The following RALB variants were observed in gnomAD, a reference collection of about 807,000 sequenced individuals.
The protein encoded by RALB is RAS like proto-oncogene B.
RALB carries 16 observed loss-of-function variants against 21.3 expected under a neutral mutation model. That is an observed-to-expected ratio of 0.75 (90% CI 0.51 to 1.14). The LOEUF (loss-of-function observed/expected upper bound fraction) is 1.14, where lower values mean the gene tolerates loss of function less well. Among genes scored for constraint, RALB ranks in the 50% most tolerant of loss-of-function variants. RALB has a pLI of 0.00. For missense variants in RALB, 161 were observed against 256.2 expected, an observed-to-expected ratio of 0.63 and a Z score of 2.54; for synonymous variants, 93 against 96.1, an observed-to-expected ratio of 0.97 and a Z score of 0.19.
intron 2 of RALB, among the ~76,000 whole-genome samples, chr2:120,281,194 T>C (rs1332414153): frequency 6.6e-6 from 1 of 152,190 alleles, no homozygotes; most frequent in Admixed American, 6.5e-5. Flanking sequence ...TGGTAGAATT[T>C]AGTTCCTTGT....
intron 2 of RALB, among the ~76,000 whole-genome samples, chr2:120,285,559 T>TA (rs1014863265): frequency 5.6e-4 from 55 of 98,048 alleles, no homozygotes; most frequent in Non-Finnish European, 8.8e-4. Flanking sequence ...CCCTAAAACT[T>TA]AAAGTATAAT....
chr2:120,266,306 G>A (rs1270621294), intron 1 of RALB, among the ~76,000 whole-genome samples: 4 of 152,254 alleles, frequency 2.6e-5, no homozygotes, highest in African/African-American at 4.8e-5. Context: ...GTGCAGTGGC[G>A]CGATCTCGGC....
intron 1 of RALB, among the ~76,000 whole-genome samples, chr2:120,269,472 A>G (rs930491618): frequency 2.0e-5 from 3 of 148,882 alleles, no homozygotes; most frequent in Non-Finnish European, 4.4e-5. Context: ...GGCCACACCC[A>G]TGTCCTGCTG....
At chr2:120,289,478 T>G (rs1690254495) in intron 3 of RALB, 102 bp from the exon 4 acceptor site, 2 of 1,238,736 alleles carry the variant, frequency 1.6e-6, no homozygotes, top group Admixed American at 2.2e-5. Context: ...ATTTTTTTTT[T>G]TCCTTCTGCC....
At chr2:120,284,054 C>T (rs1383471670) in intron 2 of RALB, among the ~76,000 whole-genome samples, 2 of 152,146 alleles carry the variant, frequency 1.3e-5, no homozygotes, top group Non-Finnish European at 2.9e-5. Flanking sequence ...TGGTAGAATT[C>T]AGAGATTTTC....
At chr2:120,291,332 C>A (rs1690298957) in intron 4 of RALB, among the ~76,000 whole-genome samples, 1 of 152,128 alleles carries the variant, frequency 6.6e-6, no homozygotes, top group South Asian at 2.1e-4. Flanking sequence ...TGTCATCTCT[C>A]AACTCTTACA....
chr2:120,275,373 C>T (rs565363296), intron 1 of RALB, among the ~76,000 whole-genome samples: 1 of 152,346 alleles, frequency 6.6e-6, no homozygotes, highest in Middle Eastern at 3.4e-3. Context: ...TGCTCTGATT[C>T]TCTCCTGTTT....
intron 1 of RALB, among the ~76,000 whole-genome samples, chr2:120,277,796 AGTGT>A (rs1051512428): frequency 2.7e-5 from 4 of 149,954 alleles, no homozygotes; most frequent in Admixed American, 1.3e-4. Flanking sequence ...AGCCTGTGAT[AGTGT>A]GTGAGAGCGT....
upstream of RALB, among the ~76,000 whole-genome samples, chr2:120,252,336 T>C (rs371348663): frequency 1.1e-4 from 16 of 152,342 alleles, no homozygotes; most frequent in East Asian, 2.5e-3. Flanking sequence ...TAATGGGATG[T>C]CATCAGCGAA....
At chr2:120,263,419 A>T (rs1468943380) in intron 1 of RALB, among the ~76,000 whole-genome samples, 1 of 152,182 alleles carries the variant, frequency 6.6e-6, no homozygotes, top group Non-Finnish European at 1.5e-5. Context: ...TGGCCTCCCA[A>T]AATGTTGGGA....
At position 120,263,460 on chromosome 2, in the gene RALB, G is replaced by T. The variant is rs576377483; in HGVS notation, c.-48+10480G>T. 3.3e-5 allele frequency among the ~76,000 whole-genome samples: 5 copies of T among 152,376 alleles called. No homozygotes were observed. In the South Asian group the frequency reaches 1.0e-3, roughly 32 times the overall value. On this transcript the variant is annotated intron_variant, in intron 1 of 4. Transcript: ENST00000272519. ...GGCATAAGCCACTGTGCCCAGGCTA[G>T]AATGATATTTAAAAAGCAGCTAAGT...
rs546479141 is a variant in RALB, at chr2:120,260,378, A to G, written c.-48+7398A>G. On this transcript the variant is annotated intron_variant, in intron 1 of 4. Transcript: ENST00000272519. The stretch of plus-strand genomic sequence containing the variant: ...GTGAAGGAGCAGATTTTAAGAGGGA[A>G]GAATCAAGAATTCTATTTTGGGAAT... Among the ~76,000 whole-genome samples the G allele has an allele frequency of 5.3e-5, 8 of 152,372 alleles. No homozygotes were observed. In the South Asian group the frequency reaches 1.7e-3, roughly 32 times the overall value.
At chr2:120,272,126 C>T (rs887142514) in intron 1 of RALB, among the ~76,000 whole-genome samples, 44 of 152,294 alleles carry the variant, frequency 2.9e-4, no homozygotes, top group African/African-American at 1.0e-3. Flanking sequence ...GGTGAGGGCT[C>T]CCTTCCTGCC....
At chr2:120,242,022 A>G (rs1474214492) in intron 1 of RALB, among the ~76,000 whole-genome samples, 2 of 152,238 alleles carry the variant, frequency 1.3e-5, no homozygotes, top group Non-Finnish European at 2.9e-5. Flanking sequence ...CCCAGTGTCC[A>G]TGGGCAGGTG....
chr2:120,262,659 T>A (rs1689395880), intron 1 of RALB, among the ~76,000 whole-genome samples: 1 of 152,062 alleles, frequency 6.6e-6, no homozygotes, highest in South Asian at 2.1e-4. Context: ...CCTTGTGTGA[T>A]CCTCTCAGCC....
At chr2:120,286,739 C>T (rs1690169040) in intron 3 of RALB, among the ~76,000 whole-genome samples, 1 of 152,310 alleles carries the variant, frequency 6.6e-6, no homozygotes, top group South Asian at 2.1e-4. Flanking sequence ...TGGGCAAGAA[C>T]CTGGCTACCC....
At chr2:120,242,293 T>A (rs1169486424) in intron 1 of RALB, among the ~76,000 whole-genome samples, 1 of 152,188 alleles carries the variant, frequency 6.6e-6, no homozygotes, top group East Asian at 1.9e-4. Flanking sequence ...ATGGGTGTAG[T>A]GTTTAGACTT....
chr2:120,278,694 C>A lies in RALB; in HGVS notation c.30C>A (p.Ser10Arg), dbSNP rs1689908496. The A allele has an allele frequency of 1.9e-6, 3 of 1,599,496 alleles. No individual in the cohort carries two copies. The highest frequency in any genetic ancestry group is 2.3e-5 in the East Asian group (1 of 43,672). The change falls in exon 2 of 5, where the codon AGC becomes AGA. Residue 10 changes from serine (S) to arginine (R), a missense_variant. Physicochemically the swap from Ser to Arg is moderately radical, Grantham distance 110. Coordinates refer to ENST00000272519, the MANE Select transcript of RALB (RefSeq NM_002881.3). ...CTGCCAACAAGAGTAAGGGCCAGAG[C>A]TCCTTGGCCCTCCACAAGGTGATCA... MAANKSKGQ[S>R]SLALHKVIMV...
At chr2:120,250,393 T>C (rs1689035932), upstream of RALB, among the ~76,000 whole-genome samples, 1 of 152,184 alleles carries the variant, frequency 6.6e-6, no homozygotes, top group South Asian at 2.1e-4. Flanking sequence ...GAGGGTCTTA[T>C]ATTGGCAATT....
Sources: gnomAD v4.1 joint callset for allele counts (sites outside exome capture counted in the v4.1 genomes callset) on GRCh38, gnomAD v4.1.1 for gene constraint, MANE v1.5 for transcripts, NCBI Gene and HGNC (gene_info 2026-07-23, HGNC 2026-07-21) for gene names.